ABCB5: variants seen among roughly 807,000 people sequenced by gnomAD.
ABCB5 encodes the protein ATP-binding cassette sub-family B member 5.
In ABCB5, 155 loss-of-function variants were observed where a neutral mutation model predicts 144.2. The ratio of observed to expected loss-of-function variants is 1.08; its 90% CI spans 0.94 to 1.23. ABCB5 has a LOEUF of 1.23. Among genes scored for constraint, ABCB5 ranks in the 50% most tolerant of loss-of-function variants. The pLI is 0.00. For missense variants in ABCB5, 1,830 were observed against 1,520.8 expected, an observed-to-expected ratio of 1.20 and a Z score of -3.38; for synonymous variants, 610 against 528.6, an observed-to-expected ratio of 1.15 and a Z score of -2.11.
At chr7:20,628,601 G>T (rs946779190) in intron 3 of ABCB5, 87 bp from the exon 4 acceptor site, 2 of 1,399,530 alleles carry the variant, frequency 1.4e-6, no homozygotes, top group African/African-American at 1.4e-5. Context: ...AGGTGGCAAA[G>T]GCTGTAGGCT....
chr7:20,696,249 G>A (rs1786411128), intron 16 of ABCB5, among the ~76,000 whole-genome samples: 1 of 152,098 alleles, frequency 6.6e-6, no homozygotes, highest in South Asian at 2.1e-4. Flanking sequence ...GAAATGATAT[G>A]CTGATTTATG....
intron 13 of ABCB5, among the ~76,000 whole-genome samples, chr7:20,656,334 CAGAG>C (rs1400465477): frequency 6.6e-6 from 1 of 151,970 alleles, no homozygotes; most frequent in African/African-American, 2.4e-5. Flanking sequence ...AAAGGCAAGA[CAGAG>C]AGCACAAGAA....
chr7:20,723,422 G>A (rs758913241), intron 21 of ABCB5, among the ~76,000 whole-genome samples: 2 of 152,160 alleles, frequency 1.3e-5, no homozygotes, highest in Non-Finnish European at 2.9e-5. Context: ...TAGCAATAGG[G>A]TACATGATTT....
intron 5 of ABCB5, among the ~76,000 whole-genome samples, chr7:20,637,286 A>T (rs77245016): frequency 0.056 from 8,545 of 152,234 alleles, 339 homozygotes; most frequent in South Asian, 0.14. Context: ...GCCCCTGTCT[A>T]ATTTCTCAGA....
chr7:20,709,738 T>C (rs1450081529), intron 20 of ABCB5, among the ~76,000 whole-genome samples: 1 of 149,932 alleles, frequency 6.7e-6, no homozygotes, highest in Non-Finnish European at 1.5e-5. Context: ...CTACCATCAC[T>C]ATAACCTAAG....
chr7:20,676,110 G>A (rs1478052657), intron 14 of ABCB5, among the ~76,000 whole-genome samples: 4 of 151,364 alleles, frequency 2.6e-5, no homozygotes, highest in Non-Finnish European at 4.4e-5. Flanking sequence ...ACAGTATGGA[G>A]GTTCCAGAAA....
intron 16 of ABCB5, among the ~76,000 whole-genome samples, chr7:20,692,827 G>A (rs896895070): frequency 2.0e-5 from 3 of 152,004 alleles, no homozygotes; most frequent in African/African-American, 7.2e-5. Context: ...AATTTTCTTA[G>A]AGCAAACAAC....
At chr7:20,726,152 A>G (rs915325001) in intron 21 of ABCB5, among the ~76,000 whole-genome samples, 1 of 152,220 alleles carries the variant, frequency 6.6e-6, no homozygotes, top group African/African-American at 2.4e-5. Flanking sequence ...TATAAACTAT[A>G]TAAATGTGGA....
intron 1 of ABCB5, among the ~76,000 whole-genome samples, chr7:20,616,314 G>A (rs1440109383): frequency 2.6e-5 from 4 of 152,190 alleles, no homozygotes. Flanking sequence ...GGGATTACAG[G>A]CATGAGCCAC....
chr7:20,710,391 G>GT (rs1786989627), intron 20 of ABCB5, among the ~76,000 whole-genome samples: 1 of 115,718 alleles, frequency 8.6e-6, no homozygotes, highest in Non-Finnish European at 1.8e-5. Flanking sequence ...AGTGGGGGGG[G>GT]GGCATGACTG....
intron 13 of ABCB5, among the ~76,000 whole-genome samples, chr7:20,653,057 C>T (rs1784653959): frequency 6.6e-6 from 1 of 152,168 alleles, no homozygotes; most frequent in South Asian, 2.1e-4. Flanking sequence ...TCTTTGGGAA[C>T]ACACATTTCC....
At chr7:20,671,888 T>C (rs1209933921) in intron 14 of ABCB5, among the ~76,000 whole-genome samples, 3 of 152,358 alleles carry the variant, frequency 2.0e-5, no homozygotes, top group East Asian at 3.9e-4. Context: ...TTTTACTTTA[T>C]AGTTAAGTGC....
intron 21 of ABCB5, among the ~76,000 whole-genome samples, chr7:20,726,338 G>A: frequency 7.5e-6 from 1 of 133,108 alleles, no homozygotes; most frequent in Non-Finnish European, 1.6e-5. Flanking sequence ...ATAATTATGT[G>A]ATTACTTTAT....
At chr7:20,626,298 A>G (rs939148904) in intron 2 of ABCB5, among the ~76,000 whole-genome samples, 1 of 152,244 alleles carries the variant, frequency 6.6e-6, no homozygotes. Context: ...AAATTATTCA[A>G]GAAGATAAAG....
intron 4 of ABCB5, among the ~76,000 whole-genome samples, chr7:20,630,902 T>C (rs953597171): frequency 6.6e-6 from 1 of 152,200 alleles, no homozygotes; most frequent in Admixed American, 6.5e-5. Context: ...TTGAATGTGG[T>C]AAACATATAG....
chr7:20,666,697 T>C, intron 14 of ABCB5: 1 of 1,558,414 alleles, frequency 6.4e-7, no homozygotes, highest in South Asian at 1.3e-5. Context: ...CTTTTAGCTT[T>C]GTGTAATCTG....
intron 23 of ABCB5, among the ~76,000 whole-genome samples, chr7:20,733,944 G>T (rs17219864): frequency 0.33 from 49,384 of 151,900 alleles, 8,249 homozygotes; most frequent in Non-Finnish European, 0.34. Flanking sequence ...CCAGCCTCAC[G>T]TTTTGAGTTT....
At chr7:20,730,485 G>T (rs1782173698) in intron 23 of ABCB5, among the ~76,000 whole-genome samples, 1 of 152,172 alleles carries the variant, frequency 6.6e-6, no homozygotes, top group Non-Finnish European at 1.5e-5. Context: ...CTCTAGCCTG[G>T]ATGACAGAGT....
At chr7:20,662,237 G>C (rs1785025760) in intron 14 of ABCB5, among the ~76,000 whole-genome samples, 1 of 152,196 alleles carries the variant, frequency 6.6e-6, no homozygotes. Flanking sequence ...ATTATTCTTT[G>C]AAAACACAGG....
Sources: allele counts gnomAD v4.1 joint callset (sites outside exome capture counted in the v4.1 genomes callset), GRCh38; gene constraint gnomAD v4.1.1; transcripts MANE v1.5; gene names NCBI Gene and HGNC (gene_info 2026-07-23, HGNC 2026-07-21).